Variants in C1orf21 observed in about 807,000 individuals in gnomAD.
The protein encoded by C1orf21 is chromosome 1 open reading frame 21.
Under a neutral mutation model 18.7 loss-of-function variants are expected in C1orf21, and 3 were observed. The observed-to-expected ratio is 0.16, with a 90% CI of 0.07 to 0.42. C1orf21 has a LOEUF of 0.42. C1orf21 is among the 10% of genes least tolerant of loss of function. The probability of loss-of-function intolerance (pLI) is 0.99; values close to 1 mark genes in which losing one functional copy is unlikely to be tolerated. For synonymous variants in C1orf21, 41 were observed against 46.4 expected (o/e 0.88, Z 0.47); for missense variants, 104 against 143.6 (o/e 0.72, Z 1.41).
At chr1:184,516,321 A>C (rs1405522256) in intron 3 of C1orf21, among the ~76,000 whole-genome samples, 1 of 152,184 alleles carries the variant, frequency 6.6e-6, no homozygotes, top group Non-Finnish European at 1.5e-5. Flanking sequence ...AGGGTGTTTT[A>C]ATATGCATTA....
Position 184,399,579 on chromosome 1 carries a change from T to G in C1orf21, c.-125+12211T>G, listed in dbSNP as rs375515119. On this transcript the variant is annotated intron_variant, in intron 1 of 5. Coordinates refer to ENST00000235307, the MANE Select transcript of C1orf21 (RefSeq NM_030806.4). ...CATGTTGCCCAGGCTGGTCTCGAAT[T>G]CATGAGCTCAAGCAATCTGCCCACC... Among the ~76,000 whole-genome samples the G allele has an allele frequency of 8.5e-5, 13 of 152,154 alleles. No homozygotes were observed. In the East Asian group the frequency reaches 2.3e-3, roughly 27 times the overall value.
rs972645755 is a variant in C1orf21, at chr1:184,626,238, A to C, written c.*6682A>C. 5.3e-5 allele frequency: 8 copies of C among 152,198 alleles called. No homozygotes were observed. The highest frequency in any genetic ancestry group is 1.9e-4 in the African/African-American group (8 of 41,438). 9.4% of individuals were successfully genotyped at this position (152,198 alleles called of 1,614,324 possible). A position where few individuals can be genotyped will look rare whatever the true frequency, so the allele number is the denominator to read the frequency against. On this transcript the variant is annotated 3_prime_UTR_variant, in exon 6 of 6. Coordinates refer to ENST00000235307, the MANE Select transcript of C1orf21 (RefSeq NM_030806.4). ...AGCATGGAAGTACCCTACAGGGGAA[A>C]GTCCTGAGTGCTGTGGGAGCATCTC... is the stretch of plus-strand genomic sequence containing the variant.
intron 1 of C1orf21, among the ~76,000 whole-genome samples, chr1:184,445,524 G>A (rs184848391): frequency 1.5e-5 from 2 of 135,192 alleles, no homozygotes; most frequent in Non-Finnish European, 3.1e-5. Flanking sequence ...AAATTAAAAC[G>A]TGCTTTGTTT....
At chr1:184,536,845 G>A (rs1336620099) in intron 3 of C1orf21, among the ~76,000 whole-genome samples, 1 of 107,228 alleles carries the variant, frequency 9.3e-6, no homozygotes, top group Non-Finnish European at 1.9e-5. Flanking sequence ...GTATTCTTTT[G>A]TGGAAAAAAA....
chr1:184,398,873 A>G (rs115152097), intron 1 of C1orf21, among the ~76,000 whole-genome samples: 3,068 of 152,322 alleles, frequency 0.02, 59 homozygotes, highest in Non-Finnish European at 0.025. Flanking sequence ...TCCATTGACC[A>G]TTGCTGACCA....
intron 1 of C1orf21, among the ~76,000 whole-genome samples, chr1:184,458,097 A>G (rs909832686): frequency 1.3e-5 from 2 of 152,012 alleles, no homozygotes; most frequent in East Asian, 3.9e-4. Flanking sequence ...TTCTACCCCA[A>G]TCTGACTCCA....
intron 5 of C1orf21, among the ~76,000 whole-genome samples, chr1:184,599,149 A>C (rs1461968183): frequency 6.6e-6 from 1 of 152,210 alleles, no homozygotes. Context: ...TCATCTCTTC[A>C]AAGGGGTGAA....
chr1:184,516,140 A>G (rs1168769678), intron 3 of C1orf21, among the ~76,000 whole-genome samples: 4 of 152,148 alleles, frequency 2.6e-5, no homozygotes, highest in African/African-American at 9.7e-5. Context: ...TACTGTTTCC[A>G]GGTATCTATG....
At chr1:184,397,833 G>C (rs530839780) in intron 1 of C1orf21, among the ~76,000 whole-genome samples, 6 of 152,232 alleles carry the variant, frequency 3.9e-5, no homozygotes, top group Admixed American at 1.3e-4. Flanking sequence ...TTTGTAAGGG[G>C]ATTAAAAATA....
rs938123215 is a variant in C1orf21, at chr1:184,624,776, G to T, written c.*5220G>T. ...ACTTGGATAGACATTTAAATAACTTGTTCCAAGGTCGGAAGAGCCCAAGAA... is the reference window on the plus strand; with the variant it reads ...ACTTGGATAGACATTTAAATAACTTTTTCCAAGGTCGGAAGAGCCCAAGAA... On this transcript the variant is annotated 3_prime_UTR_variant, in exon 6 of 6. Transcript: ENST00000235307. The T allele has an allele frequency of 2.6e-5, 4 of 152,186 alleles. No individual in the cohort carries two copies. Among genetic ancestry groups the T allele is most frequent in the African/African-American group, 9.6e-5 (4 of 41,452 alleles). The allele number at this position is 152,186 out of a possible 1,614,324, so 9.4% of individuals were successfully genotyped here. A position where few individuals can be genotyped will look rare whatever the true frequency, so the allele number is the denominator to read the frequency against.
At position 184,622,826 on chromosome 1, in the gene C1orf21, C is replaced by CA; in HGVS notation, c.*3271dup. On this transcript the variant is annotated 3_prime_UTR_variant, in exon 6 of 6. Coordinates refer to ENST00000235307, the MANE Select transcript of C1orf21 (RefSeq NM_030806.4). ...CTTTGTACTGGCCCCATCCTCTCCT[C>CA]ACTGTAATGTGAGGAAGCACCTCTG... The CA allele has an allele frequency of 6.6e-6, 1 of 152,358 alleles. No individual in the cohort carries two copies. Among genetic ancestry groups the CA allele is most frequent in the African/African-American group, 2.4e-5 (1 of 41,502 alleles). 9.4% of individuals were successfully genotyped at this position (152,358 alleles called of 1,614,324 possible).
chr1:184,515,080 T>A (rs1462761519), intron 3 of C1orf21, among the ~76,000 whole-genome samples: 1 of 152,174 alleles, frequency 6.6e-6, no homozygotes, highest in Non-Finnish European at 1.5e-5. Context: ...TGGGAAGTTA[T>A]GAAAATTAAA....
At chr1:184,437,056 A>G (rs536935437) in intron 1 of C1orf21, among the ~76,000 whole-genome samples, 2 of 152,104 alleles carry the variant, frequency 1.3e-5, no homozygotes, top group Non-Finnish European at 2.9e-5. Flanking sequence ...TGGTAGAGAA[A>G]AGGAGACTAG....
intron 2 of C1orf21, among the ~76,000 whole-genome samples, chr1:184,495,754 T>G (rs1657883930): frequency 6.6e-6 from 1 of 151,786 alleles, no homozygotes; most frequent in Non-Finnish European, 1.5e-5. Context: ...ACCCCATCTC[T>G]ACTAAAAATA....
intron 2 of C1orf21, among the ~76,000 whole-genome samples, chr1:184,484,052 T>TA (rs1657696689): frequency 6.6e-6 from 1 of 152,016 alleles, no homozygotes; most frequent in Admixed American, 6.6e-5. Flanking sequence ...GCCTCCCAAG[T>TA]AGCTGGGATT....
chr1:184,616,195 A>C (rs1238199291), intron 5 of C1orf21, among the ~76,000 whole-genome samples: 1 of 152,184 alleles, frequency 6.6e-6, no homozygotes, highest in East Asian at 1.9e-4. Flanking sequence ...TTTGATTTCA[A>C]AGTTTGTTAC....
chr1:184,529,720 A>T (rs994968757), intron 3 of C1orf21, among the ~76,000 whole-genome samples: 1 of 152,210 alleles, frequency 6.6e-6, no homozygotes, highest in Non-Finnish European at 1.5e-5. Flanking sequence ...GTGGGAGGAA[A>T]ATCAGAAGAC....
chr1:184,473,062 T>C (rs2207527), intron 1 of C1orf21, among the ~76,000 whole-genome samples: 41,572 of 152,204 alleles, frequency 0.27, 6,592 homozygotes, highest in African/African-American at 0.44. Flanking sequence ...TAAGGCAAGA[T>C]AATGTAGACA....
At chr1:184,520,993 A>C (rs1658298791) in intron 3 of C1orf21, among the ~76,000 whole-genome samples, 1 of 152,170 alleles carries the variant, frequency 6.6e-6, no homozygotes, top group Non-Finnish European at 1.5e-5. Flanking sequence ...TCCCGGGTTC[A>C]AATGATTCTC....
Sources: gnomAD v4.1 joint callset for allele counts (sites outside exome capture counted in the v4.1 genomes callset) on GRCh38, gnomAD v4.1.1 for gene constraint, MANE v1.5 for transcripts, NCBI Gene and HGNC (gene_info 2026-07-23, HGNC 2026-07-21) for gene names.